The following UNC80 variants were observed in gnomAD, a reference collection of about 807,000 sequenced individuals.
UNC80 encodes the protein unc-80 subunit of NALCN channel complex.
In UNC80, 164 loss-of-function variants were observed where a neutral mutation model predicts 384.6. That is an observed-to-expected ratio of 0.43 (90% CI 0.38 to 0.49). UNC80 has a LOEUF of 0.49. Among genes scored for constraint, UNC80 ranks in the 20% least tolerant of loss-of-function variants. The pLI is 0.00. For synonymous variants in UNC80, 1,486 were observed against 1,527.8 expected (o/e 0.97, Z 0.64); for missense variants, 3,330 against 4,143.0 (o/e 0.80, Z 5.39).
chr2:209,832,301 T>C (rs556834324), intron 16 of UNC80, among the ~76,000 whole-genome samples: 6 of 152,022 alleles, frequency 3.9e-5, no homozygotes, highest in African/African-American at 9.6e-5. Context: ...CCAAAACCTA[T>C]AGAAATAAAA....
At chr2:209,974,172 A>G (rs908634230) in intron 56 of UNC80, among the ~76,000 whole-genome samples, 1 of 152,214 alleles carries the variant, frequency 6.6e-6, no homozygotes, top group Non-Finnish European at 1.5e-5. Flanking sequence ...GATGAACACA[A>G]ACACACTGAT....
At chr2:209,903,382 G>A (rs1559298258) in intron 28 of UNC80, among the ~76,000 whole-genome samples, 1 of 119,442 alleles carries the variant, frequency 8.4e-6, no homozygotes, top group Admixed American at 1.2e-4. Flanking sequence ...AGGAAATTGT[G>A]TATATATATT....
chr2:209,823,775 T>C (rs1574606306), intron 13 of UNC80, among the ~76,000 whole-genome samples: 1 of 152,100 alleles, frequency 6.6e-6, no homozygotes, highest in Non-Finnish European at 1.5e-5. Context: ...GATATTATGA[T>C]TCCAATTTTG....
At chr2:209,906,254 A>G (rs2088193485) in intron 29 of UNC80, among the ~76,000 whole-genome samples, 1 of 152,122 alleles carries the variant, frequency 6.6e-6, no homozygotes, top group Non-Finnish European at 1.5e-5. Flanking sequence ...GATTTTTTTA[A>G]TTACAACTTT....
intron 21 of UNC80, among the ~76,000 whole-genome samples, chr2:209,843,839 C>T (rs1465781087): frequency 6.6e-6 from 1 of 152,140 alleles, no homozygotes; most frequent in Non-Finnish European, 1.5e-5. Context: ...GATCAGAGAA[C>T]TTTCCCATAT....
Position 209,931,269 on chromosome 2 carries a change from T to C in UNC80, c.5994+215T>C, listed in dbSNP as rs115934049. Reference sequence around the variant, plus strand: ...TCCTCTCTGTCTTCCTTTAGCAATATATAACTTTCTTATGTTTGTTGTTTA... The same window carrying C: ...TCCTCTCTGTCTTCCTTTAGCAATACATAACTTTCTTATGTTTGTTGTTTA... On this transcript the variant is annotated intron_variant, in intron 38 of 64. Coordinates refer to ENST00000673920, the MANE Select transcript of UNC80 (RefSeq NM_001371986.1). Among the ~76,000 whole-genome samples, 488 of 152,210 alleles carry C rather than the reference T, an allele frequency of 3.2e-3. 4 individuals carry two copies. The highest frequency in any genetic ancestry group is 5.2e-3 in the Non-Finnish European group (351 of 68,016).
intron 28 of UNC80, among the ~76,000 whole-genome samples, chr2:209,903,161 C>T (rs900555811): frequency 6.6e-6 from 1 of 150,820 alleles, no homozygotes; most frequent in Non-Finnish European, 1.5e-5. Context: ...GATAATGATT[C>T]CCAAAAATGT....
chr2:209,982,294 G>A lies in UNC80; in HGVS notation c.9234G>A (p.Glu3078=), dbSNP rs764667031. 7.9e-5 allele frequency: 123 copies of A among 1,551,312 alleles called. 1 individual carries two copies. Among genetic ancestry groups the A allele is most frequent in the Non-Finnish European group, 1.0e-4 (116 of 1,146,904 alleles). ...CCAGCATGTCTGTACCTCAGGCTGAGGTGGGCATGCTACCCAGCCAGAGGT... is the reference window on the plus strand; with the variant it reads ...CCAGCATGTCTGTACCTCAGGCTGAAGTGGGCATGCTACCCAGCCAGAGGT... ...HVSSMSVPQA[E]VGMLPSQSEP... Residue 3078 remains glutamate (E), a synonymous_variant, in exon 60 of 65, where the codon GAG becomes GAA. Transcript: ENST00000673920.
At chr2:209,806,257 G>A (rs2078890884) in intron 7 of UNC80, among the ~76,000 whole-genome samples, 1 of 152,000 alleles carries the variant, frequency 6.6e-6, no homozygotes, top group Admixed American at 6.6e-5. Flanking sequence ...AGTAAATGAT[G>A]TTTCTTTTCT....
At chr2:209,901,945 A>G (rs1213574641) in intron 28 of UNC80, among the ~76,000 whole-genome samples, 1 of 151,558 alleles carries the variant, frequency 6.6e-6, no homozygotes, top group African/African-American at 2.4e-5. Flanking sequence ...AAAAAAAAGT[A>G]CATTTTGCAG....
chr2:209,976,370 AG>A lies in UNC80; in HGVS notation c.8772+69del. ...TGAATGTGTGGCTCTCTACTGAGGC[AG>A]GAATATGGCAGGAGTGCTCATGGTA... On this transcript the variant is annotated intron_variant, in intron 57 of 64. Coordinates refer to ENST00000673920, the MANE Select transcript of UNC80 (RefSeq NM_001371986.1). This position sits in a 1 kb window ranked among gnomAD's most constrained non-coding sequence, Gnocchi z 4.3. 6.5e-7 allele frequency: 1 copy of A among 1,545,268 alleles called. No individual in the cohort carries two copies. Among genetic ancestry groups the A allele is most frequent in the Non-Finnish European group, 8.8e-7 (1 of 1,142,048 alleles).
chr2:209,970,743 TTTA>T, intron 53 of UNC80, 86 bp from the exon 54 acceptor site: 1 of 1,429,404 alleles, frequency 7.0e-7, no homozygotes, highest in Non-Finnish European at 9.3e-7. Context: ...ATTTATCATT[TTTA>T]TTATCATCAT....
rs1220423371 is a variant in UNC80, at chr2:209,772,253, G to A, written c.92+89G>A. On this transcript the variant is annotated intron_variant, in intron 1 of 64. Transcript: ENST00000673920. ...GGTCGCCGCTGCCGCCGCCGCCGCT[G>A]AGGCCGCGCCACAGCCTGCAGCTCC... 6.3e-6 allele frequency: 4 copies of A among 635,648 alleles called. No individual in the cohort carries two copies. In the South Asian group the frequency reaches 2.2e-4, roughly 34 times the overall value. 39.4% of individuals were successfully genotyped at this position (635,648 alleles called of 1,614,324 possible).
intron 48 of UNC80, 102 bp from the exon 49 acceptor site, chr2:209,957,542 A>G (rs2092459394): frequency 4.6e-6 from 5 of 1,082,198 alleles, no homozygotes; most frequent in Admixed American, 2.3e-5. Context: ...TCTAAAACTA[A>G]CTTAAAACTT....
At chr2:209,834,854 A>G in intron 17 of UNC80, 58 bp from the exon 18 acceptor site, 2 of 1,363,368 alleles carry the variant, frequency 1.5e-6, no homozygotes, top group Non-Finnish European at 2.0e-6. Flanking sequence ...AAGTGTATGA[A>G]GTATTAAGAC....
intron 22 of UNC80, among the ~76,000 whole-genome samples, chr2:209,857,188 G>T (rs373322544): frequency 6.6e-6 from 1 of 151,980 alleles, no homozygotes; most frequent in Non-Finnish European, 1.5e-5. Flanking sequence ...GAGGCTCTTC[G>T]TTCTTCCACA....
chr2:209,800,179 A>G (rs185652765), intron 7 of UNC80, among the ~76,000 whole-genome samples: 4 of 152,074 alleles, frequency 2.6e-5, no homozygotes, highest in African/African-American at 7.2e-5. Context: ...CTGTGAATCC[A>G]TCTGGTCCTG....
intron 64 of UNC80, 116 bp from the exon 65 acceptor site, chr2:209,995,213 A>G: frequency 3.0e-6 from 4 of 1,348,772 alleles, no homozygotes; most frequent in African/African-American, 1.5e-5. Context: ...AAAGGCTGGA[A>G]CTGGGACTAG....
chr2:209,957,846 C>T (rs530494222), intron 49 of UNC80, 110 bp downstream of exon 49: 1 of 940,332 alleles, frequency 1.1e-6, no homozygotes, highest in South Asian at 2.3e-5. Flanking sequence ...AGTGTGAAAA[C>T]CTCCAAGGAA....
Sources: gnomAD v4.1 joint callset for allele counts (sites outside exome capture counted in the v4.1 genomes callset) on GRCh38, gnomAD v4.1.1 for gene constraint, Gnocchi (gnomAD v3.1) non-coding constraint, MANE v1.5 for transcripts, NCBI Gene and HGNC (gene_info 2026-07-23, HGNC 2026-07-21) for gene names.